KNL1: variants seen among roughly 807,000 people sequenced by gnomAD.
KNL1 encodes kinetochore scaffold 1, also known as outer kinetochore KNL1 complex subunit KNL1.
In KNL1, 66 loss-of-function variants were observed where a neutral mutation model predicts 201.3. That is an observed-to-expected ratio of 0.33 (90% CI 0.27 to 0.40). The LOEUF is 0.40. KNL1 is among the 10% of genes least tolerant of loss of function. The pLI, the probability that KNL1 is intolerant of heterozygous loss-of-function variation, is 1.00. For missense variants in KNL1, 2,815 were observed against 2,690.5 expected, an observed-to-expected ratio of 1.05 and a Z score of -1.02; for synonymous variants, 895 against 899.2, an observed-to-expected ratio of 1.00 and a Z score of 0.08.
rs1324127326 is a variant in KNL1, at chr15:40,616,534, A to G, written c.322+1156A>G. Among the ~76,000 whole-genome samples, 4 of 152,182 alleles carry G rather than the reference A, an allele frequency of 2.6e-5. No homozygotes were observed. In the East Asian group the frequency reaches 5.8e-4, roughly 22 times the overall value. ...GTCAGGAATCAAGAAGTCATTTTCA[A>G]TTCTTCCTTTATGTCTAATGGCCAT... On this transcript the variant is annotated intron_variant, in intron 8 of 25. Coordinates refer to ENST00000399668, the MANE Select transcript of KNL1 (RefSeq NM_144508.5).
At chr15:40,605,036 G>A (rs1891928336) in intron 2 of KNL1, 74 bp from the exon 3 acceptor site, 10 of 771,212 alleles carry the variant, frequency 1.3e-5, no homozygotes, top group Admixed American at 5.7e-5. Context: ...GCATGTAAGG[G>A]GTGCTGTGAT....
intron 25 of KNL1, among the ~76,000 whole-genome samples, chr15:40,660,180 G>A (rs1158201992): frequency 6.6e-6 from 1 of 151,688 alleles, no homozygotes; most frequent in Non-Finnish European, 1.5e-5. Context: ...AAAGTGCTGG[G>A]GATTACAGGC....
At chr15:40,625,870 G>A (rs914983700) in intron 10 of KNL1, 1 of 431,594 alleles carries the variant, frequency 2.3e-6, no homozygotes, top group South Asian at 3.3e-5. Context: ...AAAATTAAAT[G>A]GAAAATTGTA....
In KNL1 at chr15:40,645,013, T is replaced by C. The variant is rs751459884; in HGVS notation, c.5815T>C (p.Ser1939Pro). 1.2e-6 allele frequency: 2 copies of C among 1,611,270 alleles called. No homozygotes were observed. The highest frequency in any genetic ancestry group is 1.7e-6 in the Non-Finnish European group (2 of 1,178,186). ...GTATTTTAGATTAAAGCTTTCTGCA[T>C]CGAACCAAGATAAGCTGTTGGTTGA... ...QKIEELKLSASNQDKLLVDIN... is the reference protein window; with the variant it reads ...QKIEELKLSAPNQDKLLVDIN... Residue 1939 changes from serine to proline, a missense_variant, in exon 15 of 26, where the codon TCG (serine) becomes CCG (proline). By Grantham distance (74) the Ser-to-Pro change is moderately conservative. Transcript: ENST00000399668.
chr15:40,600,682 G>T (rs1891765062), intron 1 of KNL1, among the ~76,000 whole-genome samples: 3 of 152,292 alleles, frequency 2.0e-5, no homozygotes, highest in Admixed American at 2.0e-4. Context: ...TTAGTGTTGT[G>T]GTGGAAATGC....
rs565577194 is a variant in KNL1 at position 40,608,732 on chromosome 15, C to T, written c.136-115C>T. 46 of 658,802 alleles carry T rather than the reference C, an allele frequency of 7.0e-5. No homozygotes were observed. The African/African-American group carries it at 7.0e-4, about 10-fold the overall frequency. The allele number at this position is 658,802 out of a possible 1,614,324, so 40.8% of individuals were successfully genotyped here. A position where few individuals can be genotyped will look rare whatever the true frequency, so the allele number is the denominator to read the frequency against. On this transcript the variant is annotated intron_variant, in intron 4 of 25. Transcript: ENST00000399668. ...TGCACTCCAGTCTGGGCAACAAGAGCGAAACTCCATCTCAAAAAAAAAAAA... is the reference window on the plus strand; with the variant it reads ...TGCACTCCAGTCTGGGCAACAAGAGTGAAACTCCATCTCAAAAAAAAAAAA...
At chr15:40,607,009 C>T (rs1891998782) in intron 4 of KNL1, among the ~76,000 whole-genome samples, 1 of 152,240 alleles carries the variant, frequency 6.6e-6, no homozygotes, top group Non-Finnish European at 1.5e-5. Flanking sequence ...ATCCACCCAC[C>T]TTGGTCTTCC....
In KNL1 at chr15:40,623,629, G is replaced by A. The variant is rs2141723599; in HGVS notation, c.3365G>A (p.Gly1122Glu). 1 of 1,613,706 alleles carries A rather than the reference G, an allele frequency of 6.2e-7. No homozygotes were observed. The highest frequency in any genetic ancestry group is 8.5e-7 in the Non-Finnish European group (1 of 1,179,870). The change falls in exon 10 of 26, where the codon GGG becomes GAG. Residue 1122 changes from glycine (G) to glutamate (E), a missense_variant. Physicochemically the swap from Gly to Glu is moderately conservative, Grantham distance 98 (BLOSUM62 -2). This residue lies in a region of KNL1 where 2,464 missense variants were observed against 2,291.7 expected (regional missense o/e 1.08). Transcript: ENST00000399668. ...TCTAAAACTATTTTGTATTCATGTG[G>A]GCAGGATGACATGGAGATCACTAGG... ...GASKTILYSCGQDDMEITRSH... is the reference protein window; with the variant it reads ...GASKTILYSCEQDDMEITRSH...
chr15:40,629,996 G>A (rs938299051), intron 13 of KNL1, among the ~76,000 whole-genome samples: 1 of 151,944 alleles, frequency 6.6e-6, no homozygotes, highest in African/African-American at 2.4e-5. Context: ...AAAAATCTAA[G>A]GGTAGCAGAG....
chr15:40,612,822 A>G (rs923412742), intron 7 of KNL1, among the ~76,000 whole-genome samples: 11 of 152,104 alleles, frequency 7.2e-5, no homozygotes, highest in Non-Finnish European at 1.5e-4. Flanking sequence ...TGGCCTAAAA[A>G]AGAGATATTT....
chr15:40,652,255 AATTTT>A (rs1260254051), intron 21 of KNL1, 150 bp downstream of exon 21: 10 of 428,542 alleles, frequency 2.3e-5, no homozygotes, highest in Non-Finnish European at 4.1e-5. Flanking sequence ...TTGATAGCAG[AATTTT>A]ATTTTATTTT....
At chr15:40,642,539 G>A (rs772326434) in intron 14 of KNL1, among the ~76,000 whole-genome samples, 1 of 152,130 alleles carries the variant, frequency 6.6e-6, no homozygotes, top group African/African-American at 2.4e-5. Flanking sequence ...GGGGTTCATC[G>A]CTGAACAAAA....
At chr15:40,610,801 T>G (rs1236174785) in intron 6 of KNL1, 10 of 455,488 alleles carry the variant, frequency 2.2e-5, no homozygotes, top group South Asian at 1.5e-4. Flanking sequence ...TTCCCCAGGC[T>G]GCAGTGCAAT....
At chr15:40,620,132 C>T (rs1387021514) in intron 9 of KNL1, among the ~76,000 whole-genome samples, 2 of 152,118 alleles carry the variant, frequency 1.3e-5, no homozygotes, top group Non-Finnish European at 2.9e-5. Flanking sequence ...TACTTTGTTA[C>T]TCCTGGCTTC....
In KNL1 at chr15:40,623,399, C is replaced by G. The variant is rs759206773; in HGVS notation, c.3135C>G (p.Ile1045Met). Residue 1045 changes from isoleucine to methionine, a missense_variant, in exon 10 of 26, where the codon ATC becomes ATG. Ile to Met is a conservative substitution (Grantham distance 10). Coordinates refer to ENST00000399668, the MANE Select transcript of KNL1 (RefSeq NM_144508.5). Reference protein sequence around the residue: ...ELSKSATCKNIKDVQSPGFLN... With the variant: ...ELSKSATCKNMKDVQSPGFLN... Reference sequence around the variant, plus strand: ...CTAAATCAGCCACTTGCAAAAACATCAAAGATGTACAAAGTCCTGGATTTC... The same window carrying G: ...CTAAATCAGCCACTTGCAAAAACATGAAAGATGTACAAAGTCCTGGATTTC... The G allele has an allele frequency of 3.1e-6, 5 of 1,613,838 alleles. No individual in the cohort carries two copies. The highest frequency in any genetic ancestry group is 2.2e-5 in the East Asian group (1 of 44,880).
At chr15:40,606,489 T>C in intron 4 of KNL1, 37 bp downstream of exon 4, 1 of 1,131,212 alleles carries the variant, frequency 8.8e-7, no homozygotes, top group Non-Finnish European at 1.3e-6. Context: ...AGATGACTAT[T>C]TTCAGTTATA....
chr15:40,636,443 A>AC (rs1270516357), intron 13 of KNL1, among the ~76,000 whole-genome samples: 1 of 152,186 alleles, frequency 6.6e-6, no homozygotes, highest in Non-Finnish European at 1.5e-5. Context: ...CCTTTTTAAA[A>AC]CAATTTTAGT....
chr15:40,596,013 C>T (rs1338206958), intron 1 of KNL1, among the ~76,000 whole-genome samples: 2 of 151,894 alleles, frequency 1.3e-5, no homozygotes, highest in Non-Finnish European at 2.9e-5. Context: ...TTGTTTTCTA[C>T]AATCCATTAA....
Position 40,650,283 on chromosome 15 carries a change from A to C in KNL1, c.6095-18A>C. 1 of 1,495,246 alleles carries C rather than the reference A, an allele frequency of 6.7e-7. No individual in the cohort carries two copies. The highest frequency in any genetic ancestry group is 9.3e-7 in the Non-Finnish European group (1 of 1,076,404). The allele number at this position is 1,495,246 out of a possible 1,614,324, so 92.6% of individuals were successfully genotyped here. ...CTATTTTTCACTGAATTATTCTAAC[A>C]AATACTGTCTACTTTAGAAACTAAG... On this transcript the variant is annotated intron_variant, in intron 17 of 25. Transcript: ENST00000399668.
Sources: allele counts gnomAD v4.1 joint callset (sites outside exome capture counted in the v4.1 genomes callset), GRCh38; gene constraint gnomAD v4.1.1; regional missense constraint gnomAD v4.1.1; transcripts MANE v1.5; gene names NCBI Gene and HGNC (gene_info 2026-07-23, HGNC 2026-07-21).